The following BLMH variants were observed in gnomAD, a reference collection of about 807,000 sequenced individuals.
The protein encoded by BLMH is BLM hydrolase.
BLMH carries 32 observed loss-of-function variants against 61.6 expected under a neutral mutation model. That is an observed-to-expected ratio of 0.52 (90% CI 0.39 to 0.70). BLMH has a LOEUF of 0.70. BLMH is among the 30% of genes least tolerant of loss of function. The probability of loss-of-function intolerance (pLI) is 0.00; values close to 1 mark genes in which losing one functional copy is unlikely to be tolerated. For missense variants in BLMH, 460 were observed against 555.5 expected, an observed-to-expected ratio of 0.83 and a Z score of 1.73; for synonymous variants, 183 against 193.8, an observed-to-expected ratio of 0.94 and a Z score of 0.46.
intron 11 of BLMH, among the ~76,000 whole-genome samples, chr17:30,253,973 AC>A (rs1358337033): frequency 1.3e-5 from 2 of 152,322 alleles, no homozygotes; most frequent in Admixed American, 1.3e-4. Context: ...ATAGCTGTAG[AC>A]AGGTTAGGTG....
chr17:30,277,017 T>C (rs1908441751), intron 6 of BLMH, among the ~76,000 whole-genome samples: 1 of 152,264 alleles, frequency 6.6e-6, no homozygotes, highest in Non-Finnish European at 1.5e-5. Flanking sequence ...TTCACACACA[T>C]TGCTGTGTAT....
At chr17:30,256,074 A>G (rs1318342225) in intron 11 of BLMH, among the ~76,000 whole-genome samples, 1 of 152,078 alleles carries the variant, frequency 6.6e-6, no homozygotes, top group African/African-American at 2.4e-5. Flanking sequence ...TTTTGTTGAG[A>G]TGGGGTCTTA....
intron 6 of BLMH, among the ~76,000 whole-genome samples, chr17:30,277,417 G>A (rs1908452402): frequency 6.6e-6 from 1 of 152,232 alleles, no homozygotes. Flanking sequence ...CTATGGTCAA[G>A]TCAATGACAA....
intron 6 of BLMH, among the ~76,000 whole-genome samples, chr17:30,277,024 G>C (rs1410341692): frequency 1.3e-5 from 2 of 152,226 alleles, no homozygotes; most frequent in Non-Finnish European, 1.5e-5. Flanking sequence ...ACATTGCTGT[G>C]TATATGAGCA....
intron 11 of BLMH, among the ~76,000 whole-genome samples, chr17:30,264,428 T>C (rs1908043943): frequency 6.6e-6 from 1 of 152,228 alleles, no homozygotes. Flanking sequence ...GCAAAACTTT[T>C]ATTGAGTAAA....
At chr17:30,277,269 A>G (rs1908449487) in intron 6 of BLMH, among the ~76,000 whole-genome samples, 1 of 152,184 alleles carries the variant, frequency 6.6e-6, no homozygotes, top group African/African-American at 2.4e-5. Flanking sequence ...CACATAAGCA[A>G]CCGTAATTGA....
chr17:30,261,504 C>A (rs1010614699), intron 11 of BLMH, among the ~76,000 whole-genome samples: 1 of 152,118 alleles, frequency 6.6e-6, no homozygotes, highest in Admixed American at 6.5e-5. Context: ...TTGAAAAATG[C>A]CTGCATACAT....
chr17:30,263,230 C>T (rs947762716), intron 11 of BLMH, among the ~76,000 whole-genome samples: 2 of 152,164 alleles, frequency 1.3e-5, no homozygotes, highest in Admixed American at 6.5e-5. Context: ...CTATCATTTA[C>T]TAGCTAGGGG....
At chr17:30,257,278 T>C (rs1907842278) in intron 11 of BLMH, among the ~76,000 whole-genome samples, 1 of 152,172 alleles carries the variant, frequency 6.6e-6, no homozygotes, top group South Asian at 2.1e-4. Flanking sequence ...TTAAATAAAC[T>C]GTGGTAGATC....
At position 30,286,849 on chromosome 17, in the gene BLMH, C is replaced by A; in HGVS notation, c.517G>T (p.Ala173Ser). 3 of 1,597,118 alleles carry A rather than the reference C, an allele frequency of 1.9e-6. No homozygotes were observed. The highest frequency in any genetic ancestry group is 2.6e-6 in the Non-Finnish European group (3 of 1,164,910). ...AGAATATCATTCATCCTTCTGGTTG[C>A]CTCTGTTGTATAAGATTCAGGGAAG... Reference protein sequence around the residue: ...KCFPESYTTEATRRMNDILNH... With the variant: ...KCFPESYTTESTRRMNDILNH... The change falls in exon 5 of 12, where the codon GCA becomes TCA. Residue 173 changes from alanine to serine, a missense_variant. Coordinates refer to ENST00000261714, the MANE Select transcript of BLMH (RefSeq NM_000386.4).
At chr17:30,264,551 C>T (rs1908047056) in intron 11 of BLMH, among the ~76,000 whole-genome samples, 2 of 152,202 alleles carry the variant, frequency 1.3e-5, no homozygotes, top group South Asian at 4.1e-4. Context: ...ACATAAAACA[C>T]ATTTTCCTGA....
intron 6 of BLMH, among the ~76,000 whole-genome samples, chr17:30,276,137 C>CAAA (rs143171771): frequency 1.3e-5 from 2 of 151,930 alleles, no homozygotes; most frequent in African/African-American, 4.8e-5. Context: ...CACATGCTGT[C>CAAA]AAAAACAACA....
intron 4 of BLMH, 65 bp from the exon 5 acceptor site, chr17:30,286,967 A>G: frequency 9.6e-7 from 1 of 1,039,318 alleles, no homozygotes; most frequent in Non-Finnish European, 1.5e-6. Flanking sequence ...AAAAATAGTG[A>G]TTGTTTCAAA....
At chr17:30,266,793 G>A in intron 11 of BLMH, 92 bp downstream of exon 11, 1 of 1,176,448 alleles carries the variant, frequency 8.5e-7, no homozygotes, top group Non-Finnish European at 1.3e-6. Context: ...CAATTACTGA[G>A]AAATCCTCCA....
At chr17:30,257,247 T>C (rs1907841646) in intron 11 of BLMH, among the ~76,000 whole-genome samples, 1 of 152,136 alleles carries the variant, frequency 6.6e-6, no homozygotes, top group Admixed American at 6.5e-5. Flanking sequence ...ACAACCCAAG[T>C]CCCATTAGTA....
intron 6 of BLMH, among the ~76,000 whole-genome samples, chr17:30,278,093 T>G (rs940674681): frequency 6.6e-6 from 1 of 152,178 alleles, no homozygotes; most frequent in Non-Finnish European, 1.5e-5. Context: ...CAATAGTTAA[T>G]TAAATAAGCT....
chr17:30,272,353 T>C, intron 9 of BLMH: 1 of 600,552 alleles, frequency 1.7e-6, no homozygotes, highest in Non-Finnish European at 2.9e-6. Context: ...AGATAGAAAG[T>C]GGGATTTTGA....
chr17:30,249,378 G>C, intron 11 of BLMH: 2 of 564,238 alleles, frequency 3.5e-6, no homozygotes, highest in Non-Finnish European at 6.1e-6. Context: ...TTAGAAAACC[G>C]GGTCTTGAGT....
intron 6 of BLMH, among the ~76,000 whole-genome samples, chr17:30,276,096 G>A (rs1489597721): frequency 5.3e-5 from 8 of 151,908 alleles, no homozygotes; most frequent in Admixed American, 3.9e-4. Flanking sequence ...CACACAGCCA[G>A]CAAGTGGAAA....
Sources: allele counts gnomAD v4.1 joint callset (sites outside exome capture counted in the v4.1 genomes callset), GRCh38; gene constraint gnomAD v4.1.1; transcripts MANE v1.5; gene names NCBI Gene and HGNC (gene_info 2026-07-23, HGNC 2026-07-21).